The following FBXL7 variants were observed in gnomAD, a reference collection of about 807,000 sequenced individuals.
The protein encoded by FBXL7 is F-box/LRR-repeat protein 7.
A neutral mutation model predicts 38.3 loss-of-function variants in FBXL7; 12 were observed. The ratio of observed to expected loss-of-function variants is 0.31; its 90% CI spans 0.20 to 0.51. The LOEUF (loss-of-function observed/expected upper bound fraction) is 0.51. Among genes scored for constraint, FBXL7 ranks in the 20% least tolerant of loss-of-function variants. The pLI, the probability that FBXL7 is intolerant of heterozygous loss-of-function variation, is 0.98. For synonymous variants in FBXL7, 297 were observed against 300.9 expected (o/e 0.99, Z 0.13); for missense variants, 567 against 676.4 (o/e 0.84, Z 1.79).
chr5:15,659,293 G>A (rs1020967344), intron 2 of FBXL7, among the ~76,000 whole-genome samples: 1 of 151,938 alleles, frequency 6.6e-6, no homozygotes, highest in African/African-American at 2.4e-5. Context: ...AAAAAAAAAT[G>A]CAAGTAGAAA....
intron 2 of FBXL7, among the ~76,000 whole-genome samples, chr5:15,712,782 T>C (rs1004392121): frequency 6.6e-6 from 1 of 152,110 alleles, no homozygotes; most frequent in Non-Finnish European, 1.5e-5. Flanking sequence ...TCTGGAAACA[T>C]GGGACACGTG....
chr5:15,730,176 T>C (rs1735540890), intron 2 of FBXL7, among the ~76,000 whole-genome samples: 1 of 152,078 alleles, frequency 6.6e-6, no homozygotes, highest in Non-Finnish European at 1.5e-5. Context: ...ATTTTTTTTT[T>C]CCTGTTTCAC....
chr5:15,505,433 C>A (rs918600583), intron 1 of FBXL7, among the ~76,000 whole-genome samples: 2 of 152,236 alleles, frequency 1.3e-5, no homozygotes, highest in Non-Finnish European at 2.9e-5. Flanking sequence ...TAACTTTTTA[C>A]TTCCCGCTAT....
intron 2 of FBXL7, 103 bp from the exon 3 acceptor site, chr5:15,927,787 A>AAAAAAAT: frequency 1.3e-6 from 1 of 751,938 alleles, no homozygotes; most frequent in Non-Finnish European, 1.8e-6. Context: ...AAAAAAAAAA[A>AAAAAAAT]GAAGAAGAAA....
intron 2 of FBXL7, among the ~76,000 whole-genome samples, chr5:15,865,488 A>G (rs1223990016): frequency 6.6e-6 from 1 of 152,154 alleles, no homozygotes; most frequent in African/African-American, 2.4e-5. Flanking sequence ...ACTTAGACTT[A>G]ATTCCTGCAC....
chr5:15,548,083 C>T (rs1175488832), intron 1 of FBXL7, among the ~76,000 whole-genome samples: 1 of 152,184 alleles, frequency 6.6e-6, no homozygotes. Context: ...AGAAGCTCTT[C>T]TTTTCCTAAA....
At position 15,895,340 on chromosome 5, in the gene FBXL7, A is replaced by C. The variant is rs569139760; in HGVS notation, c.128-32550A>C. On this transcript the variant is annotated intron_variant, in intron 2 of 3. Transcript: ENST00000504595. ...AAATTGGCATTCTATAAAGCTATTT[A>C]AACTTTTTTTAATCTAGTTAATTTT... Among the ~76,000 whole-genome samples the C allele has an allele frequency of 2.1e-4, 32 of 152,296 alleles. No individual in the cohort carries two copies. The East Asian group carries it at 5.6e-3, about 27-fold the overall frequency.
intron 2 of FBXL7, among the ~76,000 whole-genome samples, chr5:15,696,420 A>C (rs562933294): frequency 7.3e-4 from 111 of 152,244 alleles, no homozygotes; most frequent in Admixed American, 2.6e-3. Context: ...ATTTAAAATA[A>C]ATAAAACTGG....
At chr5:15,629,754 A>C (rs1318386314) in intron 2 of FBXL7, among the ~76,000 whole-genome samples, 1 of 152,164 alleles carries the variant, frequency 6.6e-6, no homozygotes, top group African/African-American at 2.4e-5. Flanking sequence ...TTGTCATTTA[A>C]TACACATTTG....
chr5:15,750,281 A>G (rs1461325164), intron 2 of FBXL7, among the ~76,000 whole-genome samples: 1 of 152,208 alleles, frequency 6.6e-6, no homozygotes, highest in African/African-American at 2.4e-5. Context: ...AAATTACTCA[A>G]CATTTCTTCC....
intron 2 of FBXL7, among the ~76,000 whole-genome samples, chr5:15,765,135 C>A (rs1579444204): frequency 6.6e-6 from 1 of 152,078 alleles, no homozygotes; most frequent in African/African-American, 2.4e-5. Context: ...AAAAAATGTT[C>A]ATCTGTAAAA....
intron 2 of FBXL7, among the ~76,000 whole-genome samples, chr5:15,742,783 T>A (rs558748110): frequency 2.2e-3 from 330 of 152,236 alleles, no homozygotes; most frequent in African/African-American, 7.4e-3. Context: ...ACTGAGTAAT[T>A]TATAAAGGAA....
intron 2 of FBXL7, among the ~76,000 whole-genome samples, chr5:15,655,532 T>C (rs982276059): frequency 6.6e-6 from 1 of 151,820 alleles, no homozygotes; most frequent in Non-Finnish European, 1.5e-5. Flanking sequence ...AGAAATATAA[T>C]TTTTGACTAA....
intron 2 of FBXL7, among the ~76,000 whole-genome samples, chr5:15,825,119 T>C (rs1738276390): frequency 6.6e-6 from 1 of 152,244 alleles, no homozygotes; most frequent in Non-Finnish European, 1.5e-5. Context: ...AGTAATTTAA[T>C]TATTTTGGCA....
intron 2 of FBXL7, among the ~76,000 whole-genome samples, chr5:15,645,716 T>C (rs1400838648): frequency 6.6e-6 from 1 of 152,250 alleles, no homozygotes; most frequent in Non-Finnish European, 1.5e-5. Flanking sequence ...TATTTCATGA[T>C]TTCTCAGATT....
chr5:15,824,516 C>G (rs933084555), intron 2 of FBXL7, among the ~76,000 whole-genome samples: 2 of 151,000 alleles, frequency 1.3e-5, no homozygotes, highest in African/African-American at 4.9e-5. Context: ...GTGCCTTTCT[C>G]AAGAAAGTTC....
At position 15,691,184 on chromosome 5, in the gene FBXL7, T is replaced by G. The variant is rs569708967; in HGVS notation, c.127+75112T>G. On this transcript the variant is annotated intron_variant, in intron 2 of 3. Coordinates refer to ENST00000504595, the MANE Select transcript of FBXL7 (RefSeq NM_012304.5). ...TCTTGTCAGTATTGAGGCACTGGAG[T>G]GCACATCCCGCTTGATGGGCAGGTT... 2.6e-5 allele frequency among the ~76,000 whole-genome samples: 4 copies of G among 152,168 alleles called. No homozygotes were observed. The South Asian group carries it at 8.3e-4, about 32-fold the overall frequency.
chr5:15,866,859 G>A (rs957019898), intron 2 of FBXL7, among the ~76,000 whole-genome samples: 2 of 152,032 alleles, frequency 1.3e-5, no homozygotes, highest in African/African-American at 4.8e-5. Context: ...TTTTATGGCT[G>A]TATAGTCTTC....
At position 15,664,874 on chromosome 5, in the gene FBXL7, G is replaced by GT. The variant is rs55666327; in HGVS notation, c.127+48815dup. 6.3e-3 allele frequency among the ~76,000 whole-genome samples: 912 copies of GT among 145,034 alleles called. 8 individuals are homozygous for GT. The highest frequency in any genetic ancestry group is 0.021 in the African/African-American group (850 of 39,720). ...TGGCCTTTGGTAGTAAATTTTTTCA[G>GT]TTTTTTTTTTTTTGGTCTAATAAAA... On this transcript the variant is annotated intron_variant, in intron 2 of 3. Coordinates refer to ENST00000504595, the MANE Select transcript of FBXL7 (RefSeq NM_012304.5).
Sources: gnomAD v4.1 joint callset for allele counts (sites outside exome capture counted in the v4.1 genomes callset) on GRCh38, gnomAD v4.1.1 for gene constraint, MANE v1.5 for transcripts, NCBI Gene and HGNC (gene_info 2026-07-23, HGNC 2026-07-21) for gene names.